FCSK: variants seen among roughly 807,000 people sequenced by gnomAD.
FCSK encodes the protein fucose kinase, also known as L-fucose kinase.
In FCSK, 123 loss-of-function variants were observed where a neutral mutation model predicts 122.5. That is an observed-to-expected ratio of 1.00 (90% CI 0.87 to 1.17). The LOEUF is 1.17. FCSK is among the 50% of genes most tolerant of loss of function. FCSK has a pLI of 0.00. For missense variants in FCSK, 1,366 were observed against 1,450.4 expected, an observed-to-expected ratio of 0.94 and a Z score of 0.95; for synonymous variants, 620 against 625.5, an observed-to-expected ratio of 0.99 and a Z score of 0.13.
intron 4 of FCSK, 104 bp from the exon 5 acceptor site, chr16:70,466,028 A>AT: frequency 2.5e-6 from 3 of 1,216,488 alleles, no homozygotes; most frequent in Non-Finnish European, 3.5e-6. Flanking sequence ...TCAAGAGAAC[A>AT]TTTTTTATCA....
Position 70,473,128 on chromosome 16 carries a change from G to A in FCSK, c.1552G>A (p.Ala518Thr). 1.9e-6 allele frequency: 3 copies of A among 1,571,922 alleles called. No homozygotes were observed. The highest frequency in any genetic ancestry group is 2.6e-6 in the Non-Finnish European group (3 of 1,160,568). ...MLDHQEDGGEALRAWRASWRL... is the reference protein window; with the variant it reads ...MLDHQEDGGETLRAWRASWRL... Reference sequence around the variant, plus strand: ...GGACCACCAGGAGGATGGGGGCGAGGCCCTGCGAGCCTGGCGGGCCTCCTG... The same window carrying A: ...GGACCACCAGGAGGATGGGGGCGAGACCCTGCGAGCCTGGCGGGCCTCCTG... The change falls in exon 15 of 24, where the codon GCC becomes ACC. Residue 518 changes from alanine (A) to threonine (T), a missense_variant. Coordinates refer to ENST00000288078, the MANE Select transcript of FCSK (RefSeq NM_145059.3). This position sits in a 1 kb window ranked among gnomAD's most constrained non-coding sequence, Gnocchi z 4.9.
intron 1 of FCSK, among the ~76,000 whole-genome samples, chr16:70,456,185 CAA>C (rs2048090505): frequency 6.6e-6 from 1 of 152,150 alleles, no homozygotes; most frequent in Non-Finnish European, 1.5e-5. Context: ...AAAAACAAAA[CAA>C]AACAAAACAA....
In FCSK at chr16:70,469,283, C is replaced by G. The variant is rs752681534; in HGVS notation, c.915C>G (p.Ala305=). 1.2e-6 allele frequency: 2 copies of G among 1,611,640 alleles called. No homozygotes were observed. The highest frequency in any genetic ancestry group is 3.3e-5 in the Admixed American group (2 of 59,898). The change falls in exon 10 of 24, where the codon GCC becomes GCG. Residue 305 remains alanine, a synonymous_variant. Transcript: ENST00000288078. ...CGGGTTATCTGCAGAGCGCCCGGGC[C>G]CAGCTGTGGAGGGAGCTTCGCGATC... ...DVAGYLQSAR[A]QLWRELRDQP...
intron 15 of FCSK, 123 bp from the exon 16 acceptor site, chr16:70,474,006 G>A: frequency 1.2e-6 from 1 of 856,442 alleles, no homozygotes; most frequent in Non-Finnish European, 1.8e-6. Context: ...AAGATACATT[G>A]TGGGCAAAAG....
chr16:70,454,683 TTGCGCCCC>T (rs2048031761), intron 1 of FCSK, 53 bp downstream of exon 1: 1 of 150,248 alleles, frequency 6.7e-6, no homozygotes, highest in African/African-American at 2.5e-5. Flanking sequence ...CTTGCGCCCC[TTGCGCCCC>T]CTCAGCTTTC....
At position 70,474,548 on chromosome 16, in the gene FCSK, C is replaced by T. The variant is rs764090742; in HGVS notation, c.2009C>T (p.Ala670Val). 6.5e-6 allele frequency: 10 copies of T among 1,548,222 alleles called. No individual in the cohort carries two copies. Among genetic ancestry groups the T allele is most frequent in the East Asian group, 2.4e-5 (1 of 41,010 alleles). ...GGCAGGCCAGCCTTGCTGGTGCGAG[C>T]GGCCCGCCACTATGAGGGGGCTGGT... ...WLSRPALLVRAARHYEGAGQI... is the reference protein window; with the variant it reads ...WLSRPALLVRVARHYEGAGQI... The change falls in exon 17 of 24, where the codon GCG becomes GTG. Residue 670 changes from alanine to valine, a missense_variant. Physicochemically the swap from Ala to Val is moderately conservative, Grantham distance 64. Transcript: ENST00000288078.
intron 10 of FCSK, 86 bp downstream of exon 10, chr16:70,469,409 C>T (rs1311950408): frequency 3.8e-6 from 5 of 1,317,070 alleles, no homozygotes; most frequent in Non-Finnish European, 5.2e-6. Flanking sequence ...CATGCTGGGC[C>T]AGGCAGCCCA....
chr16:70,466,919 G>C lies in FCSK; in HGVS notation c.449G>C (p.Ser150Thr). 6.2e-7 allele frequency: 1 copy of C among 1,613,964 alleles called. No homozygotes were observed. The highest frequency in any genetic ancestry group is 8.5e-7 in the Non-Finnish European group (1 of 1,180,028). ...TCCCCGCCAGGCGTGTGGGTCTGCAGCACCGACATGCTGCTGTCTGTTCCT... is the reference window on the plus strand; with the variant it reads ...TCCCCGCCAGGCGTGTGGGTCTGCACCACCGACATGCTGCTGTCTGTTCCT... ...PGSPPGVWVC[S>T]TDMLLSVPAN... Residue 150 changes from serine to threonine, a missense_variant, in exon 6 of 24, where the codon AGC (serine) becomes ACC (threonine). Ser to Thr is a moderately conservative substitution (Grantham distance 58). Transcript: ENST00000288078.
rs770474875 is a variant in FCSK, at chr16:70,474,606, C to G, written c.2067C>G (p.Ala689=). The change falls in exon 17 of 24, where the codon GCC becomes GCG. Residue 689 remains alanine, a synonymous_variant. Transcript: ENST00000288078. ...QILIRQAVMS[A]QHFVSTEQVE... ...TGATCCGCCAGGCTGTGATGTCAGC[C>G]CAGCACTTTGTCTCCACAGAGCAGG... The G allele has an allele frequency of 7.6e-6, 12 of 1,580,340 alleles. No homozygotes were observed. In the African/African-American group the frequency reaches 1.6e-4, roughly 21 times the overall value.
intron 3 of FCSK, 52 bp downstream of exon 3, chr16:70,463,826 G>A (rs1340914963): frequency 1.2e-5 from 19 of 1,538,650 alleles, no homozygotes; most frequent in African/African-American, 6.9e-5. Flanking sequence ...CTGGAACCAG[G>A]TCATTTCTGA....
At position 70,467,953 on chromosome 16, in the gene FCSK, G is replaced by T; in HGVS notation, c.650G>T (p.Gly217Val). ...ATTCAGCGGTGTGTCAGGCCTGATGGGCGGGTGCCACTGGTATGGCTGCTG... is the reference window on the plus strand; with the variant it reads ...ATTCAGCGGTGTGTCAGGCCTGATGTGCGGGTGCCACTGGTATGGCTGCTG... ...AEIQRCVRPD[G>V]RVPLVSGVVF... Residue 217 changes from glycine (G) to valine (V), a missense_variant, in exon 8 of 24, where the codon GGG (glycine) becomes GTG (valine). Transcript: ENST00000288078. The T allele has an allele frequency of 6.2e-7, 1 of 1,614,070 alleles. No individual in the cohort carries two copies.
chr16:70,458,527 C>A (rs887671861), intron 1 of FCSK, among the ~76,000 whole-genome samples: 1 of 151,660 alleles, frequency 6.6e-6, no homozygotes, highest in East Asian at 1.9e-4. Flanking sequence ...AGTGCAGTGG[C>A]GTGATCTTGG....
Position 70,471,198 on chromosome 16 carries a change from G to C in FCSK, c.1187G>C (p.Gly396Ala). Residue 396 changes from glycine to alanine, a missense_variant, in exon 13 of 24, where the codon GGC becomes GCC. Gly to Ala is a moderately conservative substitution (Grantham distance 60, BLOSUM62 0). Transcript: ENST00000288078. ...CCCCACCAGGGCCCCATTCACATAG[G>C]CGCTGGCTGCTTGGTGACTGGCCTG... ...HCHLQGPIHI[G>A]AGCLVTGLDT... 1 of 1,606,176 alleles carries C rather than the reference G, an allele frequency of 6.2e-7. No homozygotes were observed. The highest frequency in any genetic ancestry group is 8.5e-7 in the Non-Finnish European group (1 of 1,175,776).
At position 70,470,338 on chromosome 16, in the gene FCSK, G is replaced by C. The variant is rs909172317; in HGVS notation, c.980G>C (p.Ser327Thr). 1.9e-6 allele frequency: 3 copies of C among 1,613,530 alleles called. No individual in the cohort carries two copies. The highest frequency in any genetic ancestry group is 2.5e-6 in the Non-Finnish European group (3 of 1,179,870). ...TMAYVSSGSY[S>T]YMTSSASEFL... ...GCCTATGTCTCCAGCGGCAGCTACA[G>C]CTACATGACCTCCTCAGCCAGTGAG... Residue 327 changes from serine (S) to threonine (T), a missense_variant, in exon 11 of 24, where the codon AGC (serine) becomes ACC (threonine). Coordinates refer to ENST00000288078, the MANE Select transcript of FCSK (RefSeq NM_145059.3).
In FCSK at chr16:70,479,370, G is replaced by A; in HGVS notation, c.3120G>A (p.Lys1040=). 1 of 1,613,802 alleles carries A rather than the reference G, an allele frequency of 6.2e-7. No homozygotes were observed. The highest frequency in any genetic ancestry group is 8.5e-7 in the Non-Finnish European group (1 of 1,179,996). Residue 1040 remains lysine (K), a synonymous_variant, in exon 23 of 24, where the codon AAG becomes AAA. Transcript: ENST00000288078. ...TGTTGACCAAGGAGCCACAGCAAAA[G>A]GAGGCCTTGGAGGCGGTGCTGGCCA... ...LYLLTKEPQQ[K]EALEAVLAKT...
intron 22 of FCSK, 73 bp from the exon 23 acceptor site, chr16:70,479,107 C>A: frequency 1.7e-6 from 2 of 1,163,948 alleles, no homozygotes; most frequent in Non-Finnish European, 2.5e-6. Context: ...CACGTCTTGG[C>A]ACTTCATGCA....
In FCSK at chr16:70,474,129, T is replaced by G; in HGVS notation, c.1778T>G (p.Val593Gly). The change falls in exon 16 of 24, where the codon GTT becomes GGT. Residue 593 changes from valine to glycine, a missense_variant and splice_region_variant. Physicochemically the swap from Val to Gly is moderately radical, Grantham distance 109. Coordinates refer to ENST00000288078, the MANE Select transcript of FCSK (RefSeq NM_145059.3). ...PGPLLATLDQVAAGAGDPGVA... is the reference protein window; with the variant it reads ...PGPLLATLDQGAAGAGDPGVA... ...CCACCCCCAACTCCTTGTCCCTCAG[T>G]TGCAGCTGGGGCAGGAGACCCTGGT... The G allele has an allele frequency of 6.5e-7, 1 of 1,549,330 alleles. No homozygotes were observed. The highest frequency in any genetic ancestry group is 1.2e-5 in the South Asian group (1 of 84,044).
At chr16:70,455,578 T>G (rs1254347451) in intron 1 of FCSK, among the ~76,000 whole-genome samples, 1 of 147,354 alleles carries the variant, frequency 6.8e-6, no homozygotes, top group Non-Finnish European at 1.5e-5. Context: ...ATTGTGTAAC[T>G]CCAGCAAACT....
intron 5 of FCSK, 37 bp from the exon 6 acceptor site, chr16:70,466,845 C>A: frequency 1.9e-6 from 3 of 1,593,686 alleles, no homozygotes; most frequent in Non-Finnish European, 2.6e-6. Context: ...AGGCCTGGGC[C>A]AGGCACCAGC....
Sources: gnomAD v4.1 joint callset for allele counts (sites outside exome capture counted in the v4.1 genomes callset) on GRCh38, gnomAD v4.1.1 for gene constraint, Gnocchi (gnomAD v3.1) non-coding constraint, MANE v1.5 for transcripts, NCBI Gene and HGNC (gene_info 2026-07-23, HGNC 2026-07-21) for gene names.